Variants in SHISA9 observed in about 807,000 individuals in gnomAD.
SHISA9 encodes the protein shisa family member 9.
SHISA9 carries 13 observed loss-of-function variants against 38.0 expected under a neutral mutation model. The observed-to-expected ratio is 0.34, with a 90% confidence interval of 0.22 to 0.54. The LOEUF (loss-of-function observed/expected upper bound fraction) is 0.54, where lower values mean the gene tolerates loss of function less well. Ranked by LOEUF, SHISA9 falls within the 20% of genes least tolerant of loss-of-function variation. The pLI, the probability that SHISA9 is intolerant of heterozygous loss-of-function variation, is 0.91. For missense variants in SHISA9, 538 were observed against 575.8 expected (o/e 0.93, Z 0.67); for synonymous variants, 275 against 242.0 (o/e 1.14, Z -1.27).
At chr16:13,290,248 T>A in the SHISA9 span, among the ~76,000 whole-genome samples, 1 of 152,208 alleles carries the variant, frequency 6.6e-6, no homozygotes, top group Admixed American at 6.5e-5. Context: ...AACATTTTCA[T>A]TTATGGAAGA....
intron 2 of SHISA9, among the ~76,000 whole-genome samples, chr16:13,134,693 G>T (rs148291917): frequency 6.6e-6 from 1 of 152,104 alleles, no homozygotes; most frequent in Non-Finnish European, 1.5e-5. Flanking sequence ...TTTATGCCTC[G>T]TAGTTGATGA....
chr16:12,929,704 A>T (rs1289896215), intron 2 of SHISA9, among the ~76,000 whole-genome samples: 2 of 152,048 alleles, frequency 1.3e-5, no homozygotes, highest in Non-Finnish European at 2.9e-5. Flanking sequence ...TACCCAGGTG[A>T]TGGGATAATC....
chr16:13,235,505 C>A lies in SHISA9; in HGVS notation c.*96C>A. The A allele has an allele frequency of 7.4e-7, 1 of 1,349,240 alleles. No homozygotes were observed. The highest frequency in any genetic ancestry group is 9.8e-7 in the Non-Finnish European group (1 of 1,016,274). The allele number at this position is 1,349,240 out of a possible 1,614,324, so 83.6% of individuals were successfully genotyped here. A position where few individuals can be genotyped will look rare whatever the true frequency, so the allele number is the denominator to read the frequency against. On this transcript the variant is annotated 3_prime_UTR_variant, in exon 5 of 5. Coordinates refer to ENST00000558583, the MANE Select transcript of SHISA9 (RefSeq NM_001145204.3). ...CCTCCCCATCCTCCCCTAATACATG[C>A]GTCCACACACTCACTCTCAACAAGA...
chr16:12,957,013 C>T (rs2071844782), intron 2 of SHISA9, among the ~76,000 whole-genome samples: 1 of 151,960 alleles, frequency 6.6e-6, no homozygotes, highest in Non-Finnish European at 1.5e-5. Flanking sequence ...TGAAAAATAA[C>T]CTTTACTCTT....
the SHISA9 span, among the ~76,000 whole-genome samples, chr16:13,464,263 G>A: frequency 6.6e-6 from 1 of 152,186 alleles, no homozygotes; most frequent in East Asian, 1.9e-4. Flanking sequence ...CATCTGCAGG[G>A]AGATGTTGCC....
At chr16:13,339,221 A>G in the SHISA9 span, among the ~76,000 whole-genome samples, 1,340 of 145,574 alleles carry the variant, frequency 9.2e-3, 7 homozygotes, top group Middle Eastern at 0.018. Flanking sequence ...GGGTGTCACC[A>G]AGTTAGAGCT....
At chr16:13,323,300 GC>G in the SHISA9 span, among the ~76,000 whole-genome samples, 1 of 152,156 alleles carries the variant, frequency 6.6e-6, no homozygotes, top group East Asian at 1.9e-4. Context: ...AGAGTGCAAT[GC>G]ACTCTCACAA....
the SHISA9 span, among the ~76,000 whole-genome samples, chr16:13,537,909 A>G: frequency 6.6e-6 from 1 of 152,212 alleles, no homozygotes; most frequent in Non-Finnish European, 1.5e-5. Context: ...TATTGTACCT[A>G]TAGTAAATTA....
the SHISA9 span, among the ~76,000 whole-genome samples, chr16:13,353,607 T>A: frequency 6.6e-6 from 1 of 151,960 alleles, no homozygotes; most frequent in Non-Finnish European, 1.5e-5. Flanking sequence ...TCTAAGTTGG[T>A]CTGGTGTCTG....
chr16:13,139,398 C>CTTCCTTCT (rs1567224863), intron 2 of SHISA9, among the ~76,000 whole-genome samples: 8 of 100,358 alleles, frequency 8.0e-5, no homozygotes, highest in Non-Finnish European at 1.1e-4. Flanking sequence ...TCCTTCTTTC[C>CTTCCTTCT]TTCCTTCCTT....
chr16:13,492,947 T>A, the SHISA9 span, among the ~76,000 whole-genome samples: 1 of 151,992 alleles, frequency 6.6e-6, no homozygotes, highest in Non-Finnish European at 1.5e-5. Flanking sequence ...TAGAGAGAAG[T>A]GGAGAATGAA....
chr16:13,062,554 G>T (rs1352303326), intron 2 of SHISA9, among the ~76,000 whole-genome samples: 1 of 152,100 alleles, frequency 6.6e-6, no homozygotes, highest in Non-Finnish European at 1.5e-5. Context: ...CTAAAGTGCT[G>T]CAGAGAGTAG....
chr16:13,525,851 G>A, the SHISA9 span, among the ~76,000 whole-genome samples: 426 of 152,330 alleles, frequency 2.8e-3, 2 homozygotes, highest in Non-Finnish European at 2.3e-3. Flanking sequence ...TTTAGATATT[G>A]CAAAGTGTTG....
At chr16:13,532,553 G>A in the SHISA9 span, among the ~76,000 whole-genome samples, 31 of 74,292 alleles carry the variant, frequency 4.2e-4, no homozygotes, top group African/African-American at 1.5e-3. Flanking sequence ...ATGTGCGTGT[G>A]TGTATGTGTG....
In SHISA9 at chr16:13,129,473, G is replaced by C. The variant is rs902652152; in HGVS notation, c.692-73921G>C. ...GGAGGGTTTTAGTAGACCAAGCTTC[G>C]TGTGGGAAACATAACTTCTATCTAC... On this transcript the variant is annotated intron_variant, in intron 2 of 4. Transcript: ENST00000558583. Among the ~76,000 whole-genome samples, 3 of 152,150 alleles carry C rather than the reference G, an allele frequency of 2.0e-5. No homozygotes were observed. The East Asian group carries it at 5.8e-4, about 29-fold the overall frequency.
At chr16:12,910,803 A>C in intron 1 of SHISA9, 1 of 868,396 alleles carries the variant, frequency 1.2e-6, no homozygotes, top group Non-Finnish European at 1.4e-6. Context: ...GAAGTCCAAA[A>C]TCTCCAGAGC....
At chr16:13,108,690 A>G (rs1024200358) in intron 2 of SHISA9, among the ~76,000 whole-genome samples, 1 of 152,262 alleles carries the variant, frequency 6.6e-6, no homozygotes, top group African/African-American at 2.4e-5. Flanking sequence ...CGTATGAATT[A>G]GAAGCAGATT....
chr16:13,444,147 G>A, the SHISA9 span, among the ~76,000 whole-genome samples: 1 of 152,188 alleles, frequency 6.6e-6, no homozygotes, highest in African/African-American at 2.4e-5. Flanking sequence ...AAGGCTGGAG[G>A]ATCTCTTGAG....
chr16:13,405,439 A>G, the SHISA9 span, among the ~76,000 whole-genome samples: 1 of 152,234 alleles, frequency 6.6e-6, no homozygotes, highest in Non-Finnish European at 1.5e-5. Context: ...TTTCTGACAG[A>G]AGGAACCCCA....
Sources: gnomAD v4.1 joint callset for allele counts (sites outside exome capture counted in the v4.1 genomes callset) on GRCh38, gnomAD v4.1.1 for gene constraint, MANE v1.5 for transcripts, NCBI Gene and HGNC (gene_info 2026-07-23, HGNC 2026-07-21) for gene names.